MGAT4C: variants seen among roughly 807,000 people sequenced by gnomAD.
MGAT4C encodes MGAT4 family member C.
In MGAT4C, 19 loss-of-function variants were observed where a neutral mutation model predicts 40.1. The ratio of observed to expected loss-of-function variants is 0.47; its 90% confidence interval spans 0.33 to 0.70. The LOEUF (loss-of-function observed/expected upper bound fraction) is 0.70. MGAT4C is among the 30% of genes least tolerant of loss of function. The pLI is 0.02. For missense variants in MGAT4C, 491 were observed against 563.2 expected, an observed-to-expected ratio of 0.87 and a Z score of 1.30; for synonymous variants, 181 against 187.1, an observed-to-expected ratio of 0.97 and a Z score of 0.27.
intron 1 of MGAT4C, among the ~76,000 whole-genome samples, chr12:86,128,765 G>GT (rs908721837): frequency 1.3e-5 from 2 of 152,006 alleles, no homozygotes; most frequent in African/African-American, 4.8e-5. Context: ...AGTATTATGG[G>GT]TTTTTTTCAA....
At chr12:86,315,051 TA>T (rs199624311) in intron 4 of MGAT4C, among the ~76,000 whole-genome samples, 2 of 150,832 alleles carry the variant, frequency 1.3e-5, no homozygotes, top group African/African-American at 2.4e-5. Context: ...AAGAAAACCT[TA>T]AAAAAAACAA....
chr12:86,696,029 G>A (rs1950251219), intron 2 of MGAT4C, among the ~76,000 whole-genome samples: 2 of 151,890 alleles, frequency 1.3e-5, no homozygotes, highest in African/African-American at 4.8e-5. Flanking sequence ...GGCCAACATG[G>A]TGAAACCCCG....
intron 2 of MGAT4C, among the ~76,000 whole-genome samples, chr12:86,457,099 A>G (rs1957521836): frequency 6.6e-6 from 1 of 152,152 alleles, no homozygotes; most frequent in Non-Finnish European, 1.5e-5. Context: ...GTTCTTGAAT[A>G]CATAAATACT....
intron 4 of MGAT4C, among the ~76,000 whole-genome samples, chr12:86,295,384 T>G (rs1397686198): frequency 1.3e-5 from 2 of 152,208 alleles, no homozygotes; most frequent in Non-Finnish European, 2.9e-5. Context: ...CGGTGAGTGT[T>G]ACAGCTCTTA....
At position 85,973,389 on chromosome 12, in the gene MGAT4C, TG is replaced by T. The variant is rs1883726074; in HGVS notation, c.*5899del. 6.6e-6 allele frequency: 1 copy of T among 150,904 alleles called. No individual in the cohort carries two copies. The highest frequency in any genetic ancestry group is 1.5e-5 in the Non-Finnish European group (1 of 67,096). 9.3% of individuals were successfully genotyped at this position (150,904 alleles called of 1,614,324 possible). A position where few individuals can be genotyped will look rare whatever the true frequency, so the allele number is the denominator to read the frequency against. ...ATGATTTAGGTTATGCCAGCTATTG[TG>T]GTTAAAGCTGTAGTAACTTACAGTA... is the stretch of plus-strand genomic sequence containing the variant. On this transcript the variant is annotated 3_prime_UTR_variant, in exon 5 of 5. Coordinates refer to ENST00000611864, the MANE Select transcript of MGAT4C (RefSeq NM_001351288.2).
intron 4 of MGAT4C, among the ~76,000 whole-genome samples, chr12:86,294,913 AG>A (rs1791481216): frequency 6.6e-6 from 1 of 152,134 alleles, no homozygotes; most frequent in Non-Finnish European, 1.5e-5. Context: ...CGCCCCGTAA[AG>A]TCTTTGTTCA....
At chr12:85,987,061 T>G (rs2136707070) in intron 3 of MGAT4C, among the ~76,000 whole-genome samples, 1 of 151,646 alleles carries the variant, frequency 6.6e-6, no homozygotes, top group Admixed American at 6.6e-5. Flanking sequence ...TGTTGGAATT[T>G]AGCAATTGCT....
At chr12:86,464,397 T>C (rs1957647263) in intron 2 of MGAT4C, among the ~76,000 whole-genome samples, 1 of 152,180 alleles carries the variant, frequency 6.6e-6, no homozygotes, top group South Asian at 2.1e-4. Context: ...CTTAAAATAA[T>C]TTTATATCAA....
intron 4 of MGAT4C, among the ~76,000 whole-genome samples, chr12:86,307,938 C>T (rs1231712611): frequency 6.6e-6 from 1 of 150,484 alleles, no homozygotes; most frequent in Non-Finnish European, 1.5e-5. Context: ...TTCCTGACCT[C>T]GTGATCCGCC....
intron 2 of MGAT4C, among the ~76,000 whole-genome samples, chr12:86,501,949 C>A (rs995594138): frequency 6.6e-6 from 1 of 151,934 alleles, no homozygotes; most frequent in Non-Finnish European, 1.5e-5. Flanking sequence ...ATTTACATTC[C>A]CACCAACAGT....
chr12:86,489,682 T>C (rs1488109924), intron 2 of MGAT4C, among the ~76,000 whole-genome samples: 3 of 152,124 alleles, frequency 2.0e-5, no homozygotes, highest in South Asian at 2.1e-4. Context: ...TGTTTGCTCA[T>C]ACACTCCCTC....
At chr12:86,408,479 C>CTCTCTCTCTATATATATA (rs1267344319) in intron 3 of MGAT4C, among the ~76,000 whole-genome samples, 14 of 63,344 alleles carry the variant, frequency 2.2e-4, no homozygotes, top group African/African-American at 7.0e-4. Flanking sequence ...CTCTCTCTCT[C>CTCTCTCTCTATATATATA]TATATATATA....
At chr12:86,344,107 C>T (rs564575636) in intron 3 of MGAT4C, among the ~76,000 whole-genome samples, 2 of 152,184 alleles carry the variant, frequency 1.3e-5, no homozygotes, top group South Asian at 4.1e-4. Flanking sequence ...ATACCCTCCC[C>T]CAATGCAGAA....
intron 1 of MGAT4C, among the ~76,000 whole-genome samples, chr12:86,077,642 T>A (rs1206690870): frequency 3.3e-5 from 5 of 152,274 alleles, no homozygotes; most frequent in African/African-American, 1.2e-4. Flanking sequence ...CCTCAGCAGG[T>A]CATAGTTTTT....
At chr12:86,427,120 T>C (rs1189647505) in intron 3 of MGAT4C, among the ~76,000 whole-genome samples, 2 of 152,284 alleles carry the variant, frequency 1.3e-5, no homozygotes, top group East Asian at 3.9e-4. Context: ...ACTATTGTTA[T>C]AGCTTTGTTC....
chr12:86,535,710 A>C (rs761061744), intron 2 of MGAT4C, among the ~76,000 whole-genome samples: 15 of 152,104 alleles, frequency 9.9e-5, no homozygotes, highest in Admixed American at 5.9e-4. Context: ...ATTCCAATGA[A>C]ATCACTAATA....
At chr12:86,746,318 A>G (rs375767312) in intron 1 of MGAT4C, among the ~76,000 whole-genome samples, 1 of 151,644 alleles carries the variant, frequency 6.6e-6, no homozygotes, top group East Asian at 1.9e-4. Flanking sequence ...AACCCTTTAA[A>G]TGCCTCTGAA....
intron 3 of MGAT4C, among the ~76,000 whole-genome samples, chr12:85,984,548 T>C (rs1035490949): frequency 6.6e-6 from 1 of 152,172 alleles, no homozygotes; most frequent in Admixed American, 6.5e-5. Context: ...TACCCACTAA[T>C]TGCCCTTCTT....
chr12:86,355,081 G>GCTGATTGGTGCGTTTTTACAGAGCA, intron 3 of MGAT4C, among the ~76,000 whole-genome samples: 1 of 152,248 alleles, frequency 6.6e-6, no homozygotes, highest in East Asian at 1.9e-4. Context: ...GCTACAGAGT[G>GCTGATTGGTGCGTTTTTACAGAGCA]CTGATTGGTG....
Sources: gnomAD v4.1 joint callset for allele counts (sites outside exome capture counted in the v4.1 genomes callset) on GRCh38, gnomAD v4.1.1 for gene constraint, MANE v1.5 for transcripts, NCBI Gene and HGNC (gene_info 2026-07-23, HGNC 2026-07-21) for gene names.